EPN2: variants seen among roughly 807,000 people sequenced by gnomAD.
EPN2 encodes epsin-2.
In EPN2, 34 loss-of-function variants were observed where a neutral mutation model predicts 61.7. The ratio of observed to expected loss-of-function variants is 0.55; its 90% CI spans 0.42 to 0.73. EPN2 has a LOEUF of 0.73. EPN2 is among the 30% of genes least tolerant of loss of function. The probability of loss-of-function intolerance (pLI) is 0.00; values close to 1 mark genes in which losing one functional copy is unlikely to be tolerated. For synonymous variants in EPN2, 349 were observed against 353.6 expected, an observed-to-expected ratio of 0.99 and a Z score of 0.15; for missense variants, 714 against 839.2, an observed-to-expected ratio of 0.85 and a Z score of 1.84.
At chr17:19,276,880 C>T (rs1189026355) in intron 1 of EPN2, among the ~76,000 whole-genome samples, 3 of 148,946 alleles carry the variant, frequency 2.0e-5, no homozygotes, top group Non-Finnish European at 4.4e-5. Context: ...ACATCCATAT[C>T]TGGTGTAGAG....
At chr17:19,242,821 G>T (rs1464086630) in intron 1 of EPN2, among the ~76,000 whole-genome samples, 1 of 152,220 alleles carries the variant, frequency 6.6e-6, no homozygotes, top group Non-Finnish European at 1.5e-5. Context: ...AATGCATGAT[G>T]TGGATTTAAA....
intron 5 of EPN2, 142 bp downstream of exon 5, chr17:19,310,139 G>GT (rs1906050400): frequency 4.6e-6 from 3 of 655,994 alleles, no homozygotes; most frequent in East Asian, 2.7e-5. Flanking sequence ...TCATGCTGCC[G>GT]TAAGTGTGTA....
chr17:19,313,407 C>T, intron 7 of EPN2, 128 bp downstream of exon 7: 2 of 791,690 alleles, frequency 2.5e-6, no homozygotes, highest in Non-Finnish European at 1.9e-6. Context: ...TCCTCCAGCC[C>T]TCAGCAGTGA....
intron 6 of EPN2, chr17:19,312,808 T>C: frequency 5.8e-6 from 2 of 345,328 alleles, no homozygotes; most frequent in Non-Finnish European, 1.1e-5. Context: ...GATGGCGTTC[T>C]GGAGGAGGTC....
chr17:19,246,868 C>T (rs1055115348), intron 1 of EPN2, among the ~76,000 whole-genome samples: 3 of 149,632 alleles, frequency 2.0e-5, no homozygotes, highest in Non-Finnish European at 4.4e-5. Context: ...CCCGGGTTCA[C>T]GCCATTCTCC....
In EPN2 at chr17:19,287,463, G is replaced by A. The variant is rs559345381; in HGVS notation, c.766+1673G>A. Among the ~76,000 whole-genome samples, 8 of 152,154 alleles carry A rather than the reference G, an allele frequency of 5.3e-5. No individual in the cohort carries two copies. The South Asian group carries it at 8.3e-4, about 16-fold the overall frequency. The stretch of plus-strand genomic sequence containing the variant: ...CCTCTCCACATCTCACTCCCTCCCC[G>A]TCAGAGGGTAGGGGGCTGTCGGAGT... On this transcript the variant is annotated intron_variant, in intron 4 of 10. Coordinates refer to ENST00000314728, the MANE Select transcript of EPN2 (RefSeq NM_014964.5).
chr17:19,331,924 C>A lies in EPN2; in HGVS notation c.1483C>A (p.Leu495Met), dbSNP rs1907176026. The change falls in exon 10 of 11, where the codon CTG becomes ATG. Residue 495 changes from leucine (L) to methionine (M), a missense_variant. Physicochemically the swap from Leu to Met is conservative, Grantham distance 15. This residue lies in a region of EPN2 where 410 missense variants were observed against 421.8 expected (regional missense o/e 0.97). Transcript: ENST00000314728. ...CCCTGACCCCTTTGAGTCTCAACCC[C>A]TGACTGTCGCCTCAAGCAAGCCCAG... is the stretch of plus-strand genomic sequence containing the variant. ...TSPDPFESQP[L>M]TVASSKPSSA... The A allele has an allele frequency of 6.2e-7, 1 of 1,614,070 alleles. No homozygotes were observed.
At chr17:19,295,415 C>T (rs546011882) in intron 4 of EPN2, among the ~76,000 whole-genome samples, 12 of 151,718 alleles carry the variant, frequency 7.9e-5, no homozygotes, top group Non-Finnish European at 1.6e-4. Flanking sequence ...GCCTGTAGTC[C>T]CAGCTACCTG....
chr17:19,315,684 C>T (rs1906350397), intron 7 of EPN2, among the ~76,000 whole-genome samples: 1 of 152,046 alleles, frequency 6.6e-6, no homozygotes, highest in Admixed American at 6.6e-5. Flanking sequence ...GGGGTTTCAC[C>T]ATGTTGGCTG....
chr17:19,316,353 TA>T (rs537700138), intron 7 of EPN2, among the ~76,000 whole-genome samples: 352 of 152,392 alleles, frequency 2.3e-3, no homozygotes, highest in Admixed American at 3.5e-3. Flanking sequence ...TTGCCCAGCC[TA>T]GGACCTTCTT....
Position 19,296,538 on chromosome 17 carries a change from GA to G in EPN2, c.766+10755del, listed in dbSNP as rs886851029. On this transcript the variant is annotated intron_variant, in intron 4 of 10. Coordinates refer to ENST00000314728, the MANE Select transcript of EPN2 (RefSeq NM_014964.5). ...AAAAAAAATAGAAATAGAAAAAGAA[GA>G]AAAAAATCCTTCAATCTTAACTATA... 10 of 152,186 alleles carry G rather than the reference GA, an allele frequency of 6.6e-5. No homozygotes were observed. In the South Asian group the frequency reaches 1.7e-3, roughly 25 times the overall value. The allele number at this position is 152,186 out of a possible 1,614,324, so 9.4% of individuals were successfully genotyped here.
intron 1 of EPN2, among the ~76,000 whole-genome samples, chr17:19,265,190 C>T (rs1293011969): frequency 2.0e-5 from 3 of 151,902 alleles, no homozygotes; most frequent in African/African-American, 4.8e-5. Flanking sequence ...CCCAGGAGTT[C>T]GAGACCAGCC....
Position 19,335,705 on chromosome 17 carries a change from T to C in EPN2, c.*1451T>C, listed in dbSNP as rs984827741. 19 of 384,084 alleles carry C rather than the reference T, an allele frequency of 4.9e-5. No homozygotes were observed. The highest frequency in any genetic ancestry group is 7.4e-5 in the Non-Finnish European group (16 of 216,604). The allele number at this position is 384,084 out of a possible 1,614,324, so 23.8% of individuals were successfully genotyped here. A position where few individuals can be genotyped will look rare whatever the true frequency, so the allele number is the denominator to read the frequency against. On this transcript the variant is annotated 3_prime_UTR_variant, in exon 11 of 11. Coordinates refer to ENST00000314728, the MANE Select transcript of EPN2 (RefSeq NM_014964.5). ...TTTTAAGTTGGAGACCTAAAAATAA[T>C]TCTCTTGTATTTTGGAGATGAAGAA...
At chr17:19,262,923 C>G (rs1303216270) in intron 1 of EPN2, among the ~76,000 whole-genome samples, 2 of 152,206 alleles carry the variant, frequency 1.3e-5, no homozygotes, top group African/African-American at 4.8e-5. Flanking sequence ...CCAGAACTTC[C>G]TTTTTAAGGC....
intron 1 of EPN2, among the ~76,000 whole-genome samples, chr17:19,240,524 G>A (rs1236721178): frequency 6.6e-6 from 1 of 152,216 alleles, no homozygotes; most frequent in Non-Finnish European, 1.5e-5. Context: ...GGGATTACAG[G>A]TGTGAGCCAC....
rs1006328297 is a variant in EPN2, at chr17:19,285,883, G to C, written c.766+93G>C. ...TGCCAGTACAGCCAACTCTCTCCCT[G>C]TCTCCTCTGGGCCTGGGGGTTTGGC... is the stretch of plus-strand genomic sequence containing the variant. On this transcript the variant is annotated intron_variant, in intron 4 of 10. Transcript: ENST00000314728. The surrounding 1 kb of genome is among the most constrained non-coding windows in gnomAD (Gnocchi z 4.5). 19 of 1,425,690 alleles carry C rather than the reference G, an allele frequency of 1.3e-5. No homozygotes were observed. Among genetic ancestry groups the C allele is most frequent in the African/African-American group, 1.5e-5 (1 of 68,792 alleles). The allele number at this position is 1,425,690 out of a possible 1,614,324, so 88.3% of individuals were successfully genotyped here.
intron 4 of EPN2, among the ~76,000 whole-genome samples, chr17:19,289,074 GTTTTTTTT>G (rs1162172422): frequency 1.5e-5 from 1 of 68,670 alleles, no homozygotes; most frequent in African/African-American, 7.5e-5. Context: ...TTCTGGGTAT[GTTTTTTTT>G]TTTTTTTTTT....
chr17:19,312,611 G>A (rs1906197746), intron 6 of EPN2, among the ~76,000 whole-genome samples: 1 of 152,190 alleles, frequency 6.6e-6, no homozygotes, highest in Non-Finnish European at 1.5e-5. Flanking sequence ...CTACACCACA[G>A]GCCCCGGGGC....
chr17:19,310,941 G>A (rs1388359275), intron 5 of EPN2, among the ~76,000 whole-genome samples: 2 of 152,148 alleles, frequency 1.3e-5, no homozygotes, highest in East Asian at 3.8e-4. Flanking sequence ...AGCAATTAGA[G>A]TGGCCTTACA....
Sources: gnomAD v4.1 joint callset for allele counts (sites outside exome capture counted in the v4.1 genomes callset) on GRCh38, gnomAD v4.1.1 for gene constraint, gnomAD v4.1.1 regional missense constraint, Gnocchi (gnomAD v3.1) non-coding constraint, MANE v1.5 for transcripts, NCBI Gene and HGNC (gene_info 2026-07-23, HGNC 2026-07-21) for gene names.